Variants in SLC10A1 observed in about 807,000 individuals in gnomAD.
SLC10A1 encodes hepatic sodium/bile acid cotransporter.
In SLC10A1, 36 loss-of-function variants were observed where a neutral mutation model predicts 20.5. The observed-to-expected ratio is 1.75, with a 90% CI of 1.34 to 2.32. The LOEUF is 2.32. SLC10A1 is among the 30% of genes most tolerant of loss of function. SLC10A1 has a pLI of 0.00. For missense variants in SLC10A1, 545 were observed against 439.1 expected (o/e 1.24, Z -2.16); for synonymous variants, 188 against 163.6 (o/e 1.15, Z -1.14).
intron 1 of SLC10A1, among the ~76,000 whole-genome samples, chr14:69,795,796 T>C (rs371512434): frequency 6.6e-6 from 1 of 152,110 alleles, no homozygotes; most frequent in South Asian, 2.1e-4. Context: ...TTAGTTTTCC[T>C]AGGAAAGTTT....
At chr14:69,795,970 G>A (rs1882379836) in intron 1 of SLC10A1, among the ~76,000 whole-genome samples, 1 of 152,198 alleles carries the variant, frequency 6.6e-6, no homozygotes, top group Non-Finnish European at 1.5e-5. Flanking sequence ...GTTTTCTTTA[G>A]CTTCAGCACA....
At chr14:69,780,181 C>A (rs1028505401) in intron 2 of SLC10A1, among the ~76,000 whole-genome samples, 4 of 152,170 alleles carry the variant, frequency 2.6e-5, no homozygotes, top group African/African-American at 9.7e-5. Context: ...ATAACAACAT[C>A]ATTGGAAACT....
intron 2 of SLC10A1, among the ~76,000 whole-genome samples, chr14:69,781,964 T>C (rs1474370249): frequency 1.3e-5 from 2 of 152,256 alleles, no homozygotes; most frequent in African/African-American, 4.8e-5. Context: ...GAGGGTTATG[T>C]GTGCGTAAGA....
chr14:69,785,889 G>A (rs572073289), intron 2 of SLC10A1, among the ~76,000 whole-genome samples: 6 of 151,786 alleles, frequency 4.0e-5, no homozygotes, highest in East Asian at 1.9e-4. Context: ...GATTATAAGC[G>A]TGAGCCACCA....
At chr14:69,779,836 A>ATGGAAG (rs55784500) in intron 2 of SLC10A1, among the ~76,000 whole-genome samples, 1 of 151,682 alleles carries the variant, frequency 6.6e-6, no homozygotes, top group Non-Finnish European at 1.5e-5. Context: ...AATGGATATT[A>ATGGAAG]TTTAAAAGTC....
At chr14:69,780,697 TC>T (rs1311345740) in intron 2 of SLC10A1, among the ~76,000 whole-genome samples, 1 of 152,222 alleles carries the variant, frequency 6.6e-6, no homozygotes, top group Admixed American at 6.5e-5. Context: ...CAATTAGTGG[TC>T]CTATCCCAGC....
At chr14:69,795,782 T>C (rs1001464753) in intron 1 of SLC10A1, among the ~76,000 whole-genome samples, 2 of 152,074 alleles carry the variant, frequency 1.3e-5, no homozygotes, top group Admixed American at 6.6e-5. Context: ...GCTTCTTGAC[T>C]GGGTTAGTTT....
At chr14:69,778,603 C>G (rs781519262) in intron 3 of SLC10A1, 74 bp from the exon 4 acceptor site, 8 of 1,311,752 alleles carry the variant, frequency 6.1e-6, no homozygotes, top group Non-Finnish European at 8.3e-6. Context: ...GTGCTGCTAC[C>G]AAAGAGTTTC....
At chr14:69,786,340 G>C in intron 1 of SLC10A1, 33 bp from the exon 2 acceptor site, 24 of 1,543,198 alleles carry the variant, frequency 1.6e-5, no homozygotes, top group Non-Finnish European at 2.0e-5. Flanking sequence ...GGGAGAGAGA[G>C]AGAGCCCATA....
At chr14:69,779,077 G>T in intron 3 of SLC10A1, 105 bp downstream of exon 3, 2 of 834,132 alleles carry the variant, frequency 2.4e-6, no homozygotes, top group Non-Finnish European at 3.6e-6. Flanking sequence ...AGGAGGATCA[G>T]TTAAACCCTG....
rs767038940 is a variant in SLC10A1, at chr14:69,778,411, AG to A, written c.864del (p.Tyr289ThrfsTer2). On this transcript the variant is annotated frameshift_variant, in exon 4 of 5. Transcript: ENST00000216540. LOFTEE classifies it high-confidence loss of function. ...CCTTCTCCAAGCTGGAAAATCATGT[AG>A]AGGAGGGGAAAGAAGAAAAGTGGTC... ...VIGPLFFFPL[L>X]YMIFQLGEGL... 23 of 1,613,938 alleles carry A rather than the reference AG, an allele frequency of 1.4e-5. No homozygotes were observed. The South Asian group carries it at 2.4e-4, about 17-fold the overall frequency.
chr14:69,777,638 C>T (rs1883480870), intron 4 of SLC10A1, among the ~76,000 whole-genome samples: 1 of 115,532 alleles, frequency 8.7e-6, no homozygotes, highest in Non-Finnish European at 1.8e-5. Context: ...TTGAGGAAGG[C>T]ACTCTGTTCT....
chr14:69,787,543 T>G (rs1883750362), intron 1 of SLC10A1, among the ~76,000 whole-genome samples: 1 of 152,198 alleles, frequency 6.6e-6, no homozygotes, highest in Non-Finnish European at 1.5e-5. Context: ...GGAATATGGC[T>G]TAAATATGCA....
chr14:69,786,331 G>A (rs200964941), intron 1 of SLC10A1, 24 bp from the exon 2 acceptor site: 32 of 1,595,594 alleles, frequency 2.0e-5, no homozygotes, highest in Non-Finnish European at 2.7e-5. Flanking sequence ...TGGGAAGAGG[G>A]GAGAGAGAGA....
rs200423966 is a variant in SLC10A1 at position 69,776,073 on chromosome 14, A to C, written c.*209T>G. On this transcript the variant is annotated 3_prime_UTR_variant, in exon 5 of 5. Transcript: ENST00000216540. ...AGTCACTGAACAAGTCTTTAAAATA[A>C]GTAGCAAATTCTAAGTTGGGGATAG... is the stretch of plus-strand genomic sequence containing the variant. 23 of 560,156 alleles carry C rather than the reference A, an allele frequency of 4.1e-5. No homozygotes were observed. The highest frequency in any genetic ancestry group is 6.0e-5 in the Non-Finnish European group (19 of 315,956). 34.7% of individuals were successfully genotyped at this position (560,156 alleles called of 1,614,324 possible).
At chr14:69,780,175 C>T (rs533369777) in intron 2 of SLC10A1, among the ~76,000 whole-genome samples, 55 of 152,248 alleles carry the variant, frequency 3.6e-4, no homozygotes, top group African/African-American at 1.2e-3. Flanking sequence ...TGGGTGATAA[C>T]AACATCATTG....
At chr14:69,793,105 G>C (rs1594765207) in intron 1 of SLC10A1, among the ~76,000 whole-genome samples, 1 of 152,138 alleles carries the variant, frequency 6.6e-6, no homozygotes, top group Non-Finnish European at 1.5e-5. Context: ...CACAACTTGT[G>C]TGTTTGTTCT....
At chr14:69,789,535 G>A (rs895636155) in intron 1 of SLC10A1, among the ~76,000 whole-genome samples, 1 of 152,164 alleles carries the variant, frequency 6.6e-6, no homozygotes, top group Non-Finnish European at 1.5e-5. Flanking sequence ...GGTTGGAGCA[G>A]GAGAGAGAAA....
chr14:69,784,179 C>A (rs916953831), intron 2 of SLC10A1, among the ~76,000 whole-genome samples: 2 of 152,056 alleles, frequency 1.3e-5, no homozygotes, highest in Admixed American at 1.3e-4. Flanking sequence ...AGAGAAGTGC[C>A]TTTGACCAGA....
Sources: gnomAD v4.1 joint callset for allele counts (sites outside exome capture counted in the v4.1 genomes callset) on GRCh38, gnomAD v4.1.1 for gene constraint, MANE v1.5 for transcripts, NCBI Gene and HGNC (gene_info 2026-07-23, HGNC 2026-07-21) for gene names.